Variants in ABI3BP observed in about 807,000 individuals in gnomAD.
ABI3BP encodes ABI family member 3 binding protein.
ABI3BP carries 216 observed loss-of-function variants against 268.6 expected under a neutral mutation model. That is an observed-to-expected ratio of 0.80 (90% CI 0.72 to 0.90). The LOEUF is 0.90. Among genes scored for constraint, ABI3BP ranks in the 40% least tolerant of loss-of-function variants. The pLI is 0.00. For missense variants in ABI3BP, 2,090 were observed against 2,182.4 expected, an observed-to-expected ratio of 0.96 and a Z score of 0.84; for synonymous variants, 730 against 730.0, an observed-to-expected ratio of 1.00 and a Z score of 0.00.
chr3:100,911,277 ATG>A (rs755944162), intron 2 of ABI3BP: 3 of 310,450 alleles, frequency 9.7e-6, no homozygotes, highest in Non-Finnish European at 1.9e-5. Context: ...TTTTAGAAAC[ATG>A]TCTGTTTTTT....
At chr3:100,752,113 G>A (rs1030911477) in intron 66 of ABI3BP, among the ~76,000 whole-genome samples, 8 of 152,104 alleles carry the variant, frequency 5.3e-5, no homozygotes, top group African/African-American at 1.7e-4. Flanking sequence ...CTTAGCTAGT[G>A]CTAACTAACT....
chr3:100,953,693 A>T (rs960207882), intron 1 of ABI3BP, among the ~76,000 whole-genome samples: 3 of 152,184 alleles, frequency 2.0e-5, no homozygotes, highest in Non-Finnish European at 4.4e-5. Flanking sequence ...CATTTCTTGA[A>T]TTTTGAGGGA....
At chr3:100,756,208 C>T (rs2149364845) in intron 63 of ABI3BP, among the ~76,000 whole-genome samples, 1 of 152,316 alleles carries the variant, frequency 6.6e-6, no homozygotes. Context: ...AACACTTGTA[C>T]TGTTACTATT....
intron 1 of ABI3BP, among the ~76,000 whole-genome samples, chr3:100,987,585 G>T (rs895481664): frequency 3.9e-5 from 6 of 152,118 alleles, no homozygotes; most frequent in Admixed American, 3.9e-4. Context: ...TATAGCAGGG[G>T]CTGTATCTCA....
intron 1 of ABI3BP, 151 bp downstream of exon 1, chr3:100,993,155 T>A: frequency 1.8e-6 from 1 of 553,174 alleles, no homozygotes; most frequent in Admixed American, 3.4e-5. Flanking sequence ...AAGTAAAAGT[T>A]TAAGAGACCC....
At chr3:100,953,156 C>T (rs7625454) in intron 1 of ABI3BP, among the ~76,000 whole-genome samples, 21,270 of 152,168 alleles carry the variant, frequency 0.14, 1,576 homozygotes, top group Middle Eastern at 0.2. Flanking sequence ...CCTGTGCCTA[C>T]ATAATATCCA....
At chr3:100,765,118 A>AAC (rs977259929) in intron 63 of ABI3BP, among the ~76,000 whole-genome samples, 2 of 151,782 alleles carry the variant, frequency 1.3e-5, no homozygotes, top group African/African-American at 4.8e-5. Context: ...AAAAAAAAAA[A>AAC]AACTTGGAAC....
At chr3:100,968,995 C>T (rs569007478) in intron 1 of ABI3BP, among the ~76,000 whole-genome samples, 1 of 152,270 alleles carries the variant, frequency 6.6e-6, no homozygotes, top group Admixed American at 6.5e-5. Flanking sequence ...TTGGGATTTG[C>T]TGAGCTTTTT....
At chr3:100,978,239 A>G (rs371649933) in intron 1 of ABI3BP, among the ~76,000 whole-genome samples, 3 of 152,338 alleles carry the variant, frequency 2.0e-5, no homozygotes, top group East Asian at 3.9e-4. Context: ...CTGATGTCCA[A>G]TTCTAGCTGA....
chr3:100,838,959 A>T (rs1159510397), intron 24 of ABI3BP, among the ~76,000 whole-genome samples: 1 of 152,224 alleles, frequency 6.6e-6, no homozygotes, highest in Non-Finnish European at 1.5e-5. Context: ...TAATGAAATG[A>T]TTATAATCAA....
At position 100,837,178 on chromosome 3, in the gene ABI3BP, C is replaced by T; in HGVS notation, c.2084-7G>A. 6.5e-7 allele frequency: 1 copy of T among 1,532,280 alleles called. No homozygotes were observed. The highest frequency in any genetic ancestry group is 1.7e-4 in the Middle Eastern group (1 of 5,964). The allele number at this position is 1,532,280 out of a possible 1,614,324, so 94.9% of individuals were successfully genotyped here. A position where few individuals can be genotyped will look rare whatever the true frequency, so the allele number is the denominator to read the frequency against. On this transcript the variant is annotated splice_region_variant and splice_polypyrimidine_tract_variant and intron_variant, in intron 26 of 67. Coordinates refer to ENST00000471714, the MANE Select transcript of ABI3BP (RefSeq NM_001375547.2). ...AATGGAACAGGCTCAGAGACTGCATCATAAAAAATAAACAGATATAAGTAA... is the reference window on the plus strand; with the variant it reads ...AATGGAACAGGCTCAGAGACTGCATTATAAAAAATAAACAGATATAAGTAA...
intron 6 of ABI3BP, among the ~76,000 whole-genome samples, chr3:100,877,643 G>T (rs1472218356): frequency 1.3e-5 from 2 of 152,186 alleles, no homozygotes; most frequent in African/African-American, 4.8e-5. Context: ...GGGACACAGG[G>T]TAGGTGAGGA....
chr3:100,757,539 A>G (rs1019365095), intron 63 of ABI3BP, among the ~76,000 whole-genome samples: 5 of 143,200 alleles, frequency 3.5e-5, no homozygotes, highest in African/African-American at 9.7e-5. Context: ...GTATCAAAGT[A>G]AAACAACTTT....
rs190276534 is a variant in ABI3BP at position 100,794,534 on chromosome 3, C to T, written c.3946+389G>A. Reference sequence around the variant, plus strand: ...GTTAGAACTGCATCACCTAACAGTGCACCCAGTAAAGGCTTAATAAATACT... The same window carrying T: ...GTTAGAACTGCATCACCTAACAGTGTACCCAGTAAAGGCTTAATAAATACT... On this transcript the variant is annotated intron_variant, in intron 54 of 67. Coordinates refer to ENST00000471714, the MANE Select transcript of ABI3BP (RefSeq NM_001375547.2). 1.3e-3 allele frequency among the ~76,000 whole-genome samples: 194 copies of T among 151,966 alleles called. 1 individual carries two copies. Among genetic ancestry groups the T allele is most frequent in the African/African-American group, 4.5e-3 (188 of 41,468 alleles).
In ABI3BP at chr3:100,780,191, C is replaced by G. The variant is rs1221735638; in HGVS notation, c.4181G>C (p.Arg1394Thr). The change falls in exon 58 of 68, where the codon AGG becomes ACG. Residue 1394 changes from arginine to threonine, a missense_variant. Transcript: ENST00000471714. ...TACATTTCTATCAGCACCTGATGGC[C>G]TGGGTGCTTGCTTGACCCCTATGAG... is the stretch of plus-strand genomic sequence containing the variant. ...GVGTGVKQAP[R>T]PSGADRNVSV... is the part of the protein sequence containing the mutation. 1 of 1,612,808 alleles carries G rather than the reference C, an allele frequency of 6.2e-7. No individual in the cohort carries two copies. Among genetic ancestry groups the G allele is most frequent in the South Asian group, 1.1e-5 (1 of 91,006 alleles).
intron 24 of ABI3BP, among the ~76,000 whole-genome samples, 199 bp downstream of exon 24, chr3:100,839,370 C>A (rs1305746949): frequency 6.6e-6 from 1 of 152,180 alleles, no homozygotes; most frequent in East Asian, 1.9e-4. Flanking sequence ...AGACCACAGA[C>A]CTTCCCTAAA....
chr3:100,806,540 A>G (rs1168306757), intron 50 of ABI3BP, among the ~76,000 whole-genome samples: 3 of 152,116 alleles, frequency 2.0e-5, no homozygotes, highest in Non-Finnish European at 2.9e-5. Flanking sequence ...GGAGGTCCCA[A>G]TTCTACCCAC....
Position 100,795,859 on chromosome 3 carries a change from A to G in ABI3BP, c.3818-8T>C, listed in dbSNP as rs1180058196. ...AGGTAACAGGCTGCAGAACTATGCC[A>G]AAAGCAAGCCAAAGGAACATATTTA... On this transcript the variant is annotated splice_polypyrimidine_tract_variant and splice_region_variant and intron_variant, in intron 52 of 67. Transcript: ENST00000471714. 7.8e-7 allele frequency: 1 copy of G among 1,285,100 alleles called. No homozygotes were observed. Among genetic ancestry groups the G allele is most frequent in the African/African-American group, 1.5e-5 (1 of 65,640 alleles). The allele number at this position is 1,285,100 out of a possible 1,614,324, so 79.6% of individuals were successfully genotyped here.
chr3:100,973,327 A>G (rs904054403), intron 1 of ABI3BP, among the ~76,000 whole-genome samples: 5 of 152,204 alleles, frequency 3.3e-5, no homozygotes, highest in Non-Finnish European at 7.3e-5. Flanking sequence ...AGTGGCTCAC[A>G]GGAATCCAAC....
Sources: gnomAD v4.1 joint callset for allele counts (sites outside exome capture counted in the v4.1 genomes callset) on GRCh38, gnomAD v4.1.1 for gene constraint, MANE v1.5 for transcripts, NCBI Gene and HGNC (gene_info 2026-07-23, HGNC 2026-07-21) for gene names.